The following TBL1X variants were observed in gnomAD, a reference collection of about 807,000 sequenced individuals.
The protein encoded by TBL1X is F-box-like/WD repeat-containing protein TBL1X.
Under a neutral mutation model 50.7 loss-of-function variants are expected in TBL1X, and 10 were observed. The observed-to-expected ratio is 0.20, with a 90% CI of 0.12 to 0.33. TBL1X has a LOEUF of 0.33. Among genes scored for constraint, TBL1X ranks in the 10% least tolerant of loss-of-function variants. The pLI, the probability that TBL1X is intolerant of heterozygous loss-of-function variation, is 1.00. For missense variants in TBL1X, 340 were observed against 504.4 expected, an observed-to-expected ratio of 0.67 and a Z score of 3.12; for synonymous variants, 190 against 214.7, an observed-to-expected ratio of 0.88 and a Z score of 1.01.
chrX:9,658,398 C>T (rs138281793), intron 5 of TBL1X, among the ~76,000 whole-genome samples: 1,464 of 110,508 alleles, frequency 0.013, 19 homozygotes, highest in African/African-American at 0.044. Context: ...AGCAAGGGAG[C>T]GAGCCCCTAG....
At chrX:9,578,136 C>A (rs2082422194) in intron 2 of TBL1X, among the ~76,000 whole-genome samples, 1 of 112,223 alleles carries the variant, frequency 8.9e-6, no homozygotes, top group Non-Finnish European at 1.9e-5. Flanking sequence ...GTGTTCTCAT[C>A]ACTTTTGCGC....
chrX:9,664,347 ATT>A (rs2082914930), intron 5 of TBL1X, among the ~76,000 whole-genome samples: 1 of 112,510 alleles, frequency 8.9e-6, no homozygotes, highest in Non-Finnish European at 1.9e-5. Flanking sequence ...TTCGCAGGTC[ATT>A]AGCCATATTG....
chrX:9,632,100 T>A lies in TBL1X; in HGVS notation c.-130-8173T>A, dbSNP rs754579326. Among the ~76,000 whole-genome samples the A allele has an allele frequency of 4.5e-5, 5 of 112,120 alleles. No homozygotes were observed. In the South Asian group the frequency reaches 1.8e-3, roughly 41 times the overall value. The stretch of plus-strand genomic sequence containing the variant: ...TTTTCCCCTGGATATAACTTTTGGG[T>A]TGTTTTCTGGCTGCTTTTAAGAGTT... On this transcript the variant is annotated intron_variant, in intron 2 of 17. Transcript: ENST00000645353.
intron 2 of TBL1X, among the ~76,000 whole-genome samples, chrX:9,536,057 A>C (rs1186655251): frequency 8.9e-6 from 1 of 111,940 alleles, no homozygotes; most frequent in Non-Finnish European, 1.9e-5. Context: ...GCTGTGTTTC[A>C]AATGAACTCT....
intron 2 of TBL1X, among the ~76,000 whole-genome samples, chrX:9,619,627 C>T (rs1162710936): frequency 7.1e-5 from 8 of 112,530 alleles, no homozygotes; most frequent in Non-Finnish European, 1.5e-4. Flanking sequence ...CCTGTGTGTA[C>T]TCGTACTTCA....
Position 9,688,166 on chromosome X carries a change from G to A in TBL1X, c.507G>A (p.Thr169=), listed in dbSNP as rs1014194768. Residue 169 remains threonine, a synonymous_variant, in exon 7 of 18, where the codon ACG becomes ACA. Transcript: ENST00000645353. ...CGGCGGCGGCGGCGGCTGCGGCCAC[G>A]GCAGCAGCGACAGCAGCCACCACGA... The part of the protein sequence containing the change: ...ASAAAAAAAA[T]AAATAATTTS... The A allele has an allele frequency of 1.9e-5, 23 of 1,196,268 alleles. No homozygotes were observed. In the African/African-American group the frequency reaches 2.1e-4, roughly 11 times the overall value.
chrX:9,689,785 A>G (rs1017180612), intron 7 of TBL1X, among the ~76,000 whole-genome samples: 7 of 113,060 alleles, frequency 6.2e-5, no homozygotes, highest in African/African-American at 2.3e-4. Context: ...CACCAGGGAC[A>G]GTGGGTCTGC....
intron 3 of TBL1X, among the ~76,000 whole-genome samples, chrX:9,649,165 G>A (rs886287324): frequency 1.6e-4 from 18 of 112,070 alleles, no homozygotes; most frequent in African/African-American, 5.8e-4. Flanking sequence ...TCCATTCAGA[G>A]AATATTCTCA....
rs555638524 is a variant in TBL1X, at chrX:9,662,933, G to A, written c.211+8611G>A. ...GATCACACCATTGCATTCCAGCCTG[G>A]ACAAAAGAGTGAGACCCTGTCTCTT... On this transcript the variant is annotated intron_variant, in intron 5 of 17. Coordinates refer to ENST00000645353, the MANE Select transcript of TBL1X (RefSeq NM_005647.4). Among the ~76,000 whole-genome samples, 33 of 112,044 alleles carry A rather than the reference G, an allele frequency of 2.9e-4. No homozygotes were observed. In the South Asian group the frequency reaches 0.012, roughly 41 times the overall value.
At chrX:9,486,343 C>T (rs1428360682) in intron 1 of TBL1X, among the ~76,000 whole-genome samples, 1 of 109,416 alleles carries the variant, frequency 9.1e-6, no homozygotes, top group Admixed American at 9.7e-5. Flanking sequence ...AAGCGATCCT[C>T]CCACCTCCGC....
intron 2 of TBL1X, among the ~76,000 whole-genome samples, chrX:9,526,080 A>T (rs758566085): frequency 1.2e-4 from 12 of 101,429 alleles, no homozygotes; most frequent in African/African-American, 4.3e-4. Context: ...GGTCTGTGTG[A>T]GAGAGAGAAC....
At chrX:9,705,207 A>C in intron 13 of TBL1X, 93 bp downstream of exon 13, 3 of 1,168,394 alleles carry the variant, frequency 2.6e-6, no homozygotes, top group Non-Finnish European at 3.5e-6. Context: ...CTACTGCAGC[A>C]GCAGACCAGC....
intron 12 of TBL1X, among the ~76,000 whole-genome samples, chrX:9,701,569 T>TAAAAAAAAAA (rs63287561): frequency 1.5e-4 from 7 of 47,022 alleles, no homozygotes; most frequent in African/African-American, 6.0e-4. Flanking sequence ...CTTGATGAGC[T>TAAAAAAAAAA]AAAAAAAAAA....
chrX:9,671,227 C>T (rs770171516), intron 5 of TBL1X, among the ~76,000 whole-genome samples: 2 of 112,590 alleles, frequency 1.8e-5, no homozygotes, highest in Non-Finnish European at 3.8e-5. Flanking sequence ...GCATAAGGCA[C>T]GAAGTCCAGG....
chrX:9,571,825 A>G (rs965292658), intron 2 of TBL1X, among the ~76,000 whole-genome samples: 3 of 112,142 alleles, frequency 2.7e-5, no homozygotes, highest in African/African-American at 9.7e-5. Context: ...CGTAAGTGGA[A>G]TCCTACAGGA....
chrX:9,553,500 A>G (rs1487792738), intron 2 of TBL1X, among the ~76,000 whole-genome samples: 1 of 111,995 alleles, frequency 8.9e-6, no homozygotes, highest in East Asian at 2.8e-4. Flanking sequence ...GCAACAGGAA[A>G]CGCAGACAGT....
intron 7 of TBL1X, among the ~76,000 whole-genome samples, chrX:9,690,084 T>C (rs1055652507): frequency 9.8e-5 from 11 of 112,476 alleles, no homozygotes; most frequent in Admixed American, 5.6e-4. Flanking sequence ...TGTGAAACTG[T>C]TAACCATGGC....
At chrX:9,529,009 C>T (rs933826945) in intron 2 of TBL1X, among the ~76,000 whole-genome samples, 2 of 111,797 alleles carry the variant, frequency 1.8e-5, no homozygotes, top group African/African-American at 3.3e-5. Context: ...CTGAAAAATA[C>T]GGAGTGGAAA....
At chrX:9,524,825 C>T (rs1271985090) in intron 2 of TBL1X, among the ~76,000 whole-genome samples, 1 of 112,278 alleles carries the variant, frequency 8.9e-6, no homozygotes, top group African/African-American at 3.2e-5. Context: ...GATCGTGACT[C>T]AGTGTAGCCT....
Sources: gnomAD v4.1 joint callset for allele counts (sites outside exome capture counted in the v4.1 genomes callset) on GRCh38, gnomAD v4.1.1 for gene constraint, MANE v1.5 for transcripts, NCBI Gene and HGNC (gene_info 2026-07-23, HGNC 2026-07-21) for gene names.